YY1: variants seen among roughly 807,000 people sequenced by gnomAD.
The protein encoded by YY1 is transcriptional repressor protein YY1.
In YY1, 2 loss-of-function variants were observed where a neutral mutation model predicts 35.6. The observed-to-expected ratio is 0.06, with a 90% CI of 0.02 to 0.18. The LOEUF (loss-of-function observed/expected upper bound fraction) is 0.18, where lower values mean the gene tolerates loss of function less well. Among genes scored for constraint, YY1 ranks in the 10% least tolerant of loss-of-function variants. The pLI, the probability that YY1 is intolerant of heterozygous loss-of-function variation, is 1.00. For missense variants in YY1, 322 were observed against 573.4 expected (o/e 0.56, Z 4.48); for synonymous variants, 268 against 238.9 (o/e 1.12, Z -1.12).
At chr14:100,240,410 C>G (rs1040891606) in intron 1 of YY1, among the ~76,000 whole-genome samples, 1 of 151,462 alleles carries the variant, frequency 6.6e-6, no homozygotes, top group African/African-American at 2.4e-5. Context: ...CCGGCGCTGC[C>G]GTTACCCCAT....
At position 100,239,805 on chromosome 14, in the gene YY1, C is replaced by T. The variant is rs1294296744; in HGVS notation, c.561C>T (p.Ser187=). 6 of 1,500,760 alleles carry T rather than the reference C, an allele frequency of 4.0e-6. No individual in the cohort carries two copies. Among genetic ancestry groups the T allele is most frequent in the African/African-American group, 2.9e-5 (2 of 68,482 alleles). 93.0% of individuals were successfully genotyped at this position (1,500,760 alleles called of 1,614,324 possible). The change falls in exon 1 of 5, where the codon AGC becomes AGT. Residue 187 remains serine, a synonymous_variant. Coordinates refer to ENST00000262238, the MANE Select transcript of YY1 (RefSeq NM_003403.5). ...GKKSGKKSYL[S]GGAGAAGGGG... ...AGAGCGGCAAGAAGAGTTACCTCAG[C>T]GGCGGGGCCGGCGCGGCGGGCGGCG...
chr14:100,240,066 G>GGGCGCGGCGGCGGCGGC (rs1890705195), intron 1 of YY1, 143 bp downstream of exon 1: 1 of 772,714 alleles, frequency 1.3e-6, no homozygotes. Flanking sequence ...GCGGCGGCGG[G>GGGCGCGGCGGCGGCGGC]GGCGCGGCGG....
At chr14:100,253,623 C>T (rs1009073506) in intron 1 of YY1, among the ~76,000 whole-genome samples, 1 of 151,992 alleles carries the variant, frequency 6.6e-6, no homozygotes, top group Non-Finnish European at 1.5e-5. Context: ...TCACCTTAAC[C>T]TCAGGTGACC....
chr14:100,273,983 TC>T (rs535270647), intron 2 of YY1, among the ~76,000 whole-genome samples: 1 of 152,088 alleles, frequency 6.6e-6, no homozygotes, highest in Non-Finnish European at 1.5e-5. Flanking sequence ...AATGAGAACT[TC>T]CAAGCCCCCA....
chr14:100,246,356 T>A (rs1890833841), intron 1 of YY1, among the ~76,000 whole-genome samples: 1 of 152,200 alleles, frequency 6.6e-6, no homozygotes, highest in Non-Finnish European at 1.5e-5. Flanking sequence ...CTTCTCAAAG[T>A]GCTGGCAGCT....
chr14:100,278,666 TGAAA>T lies in YY1; in HGVS notation c.*1069_*1072del, dbSNP rs1296051275. 6.6e-6 allele frequency: 1 copy of T among 152,262 alleles called. No homozygotes were observed. Among genetic ancestry groups the T allele is most frequent in the Non-Finnish European group, 1.5e-5 (1 of 68,052 alleles). The allele number at this position is 152,262 out of a possible 1,614,324, so 9.4% of individuals were successfully genotyped here. ...AATACTTCCTACATGTCCTGACTTC[TGAAA>T]GAGAGTAGGTAACAGGCATCCCGAG... On this transcript the variant is annotated 3_prime_UTR_variant, in exon 5 of 5. Coordinates refer to ENST00000262238, the MANE Select transcript of YY1 (RefSeq NM_003403.5).
At chr14:100,255,905 T>C (rs1890998635) in intron 1 of YY1, among the ~76,000 whole-genome samples, 1 of 152,194 alleles carries the variant, frequency 6.6e-6, no homozygotes, top group South Asian at 2.1e-4. Flanking sequence ...GTTCAGGTTT[T>C]GATTATAATC....
intron 1 of YY1, among the ~76,000 whole-genome samples, chr14:100,257,792 A>G (rs1183826231): frequency 1.3e-5 from 2 of 152,134 alleles, no homozygotes; most frequent in African/African-American, 4.8e-5. Flanking sequence ...ATGGATTAAG[A>G]CACTTTCATC....
intron 1 of YY1, among the ~76,000 whole-genome samples, chr14:100,249,812 C>T (rs745490511): frequency 2.1e-5 from 3 of 145,598 alleles, no homozygotes; most frequent in Admixed American, 7.0e-5. Flanking sequence ...CTTGCTCTGT[C>T]GCCCAGACTG....
At chr14:100,254,420 C>T (rs1890970129) in intron 1 of YY1, among the ~76,000 whole-genome samples, 1 of 152,132 alleles carries the variant, frequency 6.6e-6, no homozygotes, top group South Asian at 2.1e-4. Context: ...TGTCATTTCT[C>T]TAGAAGTCTT....
chr14:100,254,559 G>A (rs924178812), intron 1 of YY1, among the ~76,000 whole-genome samples: 1 of 152,094 alleles, frequency 6.6e-6, no homozygotes, highest in Non-Finnish European at 1.5e-5. Flanking sequence ...CCAGGTTCAA[G>A]CGGTTCTTTT....
Position 100,276,041 on chromosome 14 carries a change from C to A in YY1, c.904-449C>A. ...CAGTAGGCGATGGAGAATGACAGTC[C>A]ATTGTTGCAGCACAGAATATGGGGC... On this transcript the variant is annotated intron_variant, in intron 3 of 4. Transcript: ENST00000262238. The surrounding 1 kb of genome is among the most constrained non-coding windows in gnomAD (Gnocchi z 4.1). 1 of 206,670 alleles carries A rather than the reference C, an allele frequency of 4.8e-6. No homozygotes were observed. The highest frequency in any genetic ancestry group is 9.9e-6 in the Non-Finnish European group (1 of 100,794). The allele number at this position is 206,670 out of a possible 1,614,324, so 12.8% of individuals were successfully genotyped here. A position where few individuals can be genotyped will look rare whatever the true frequency, so the allele number is the denominator to read the frequency against.
At chr14:100,250,752 A>C (rs1890912471) in intron 1 of YY1, among the ~76,000 whole-genome samples, 1 of 151,732 alleles carries the variant, frequency 6.6e-6, no homozygotes, top group Non-Finnish European at 1.5e-5. Flanking sequence ...GGTATGGTGC[A>C]CTTTTGGAGA....
At position 100,271,467 on chromosome 14, in the gene YY1, A is replaced by G. The variant is rs555574357; in HGVS notation, c.843-3231A>G. ...AGGCTAGTTCAGAGTCCTGTTTACA[A>G]CAGGCACTTAAAAAAACTTGCTAAC... is the stretch of plus-strand genomic sequence containing the variant. On this transcript the variant is annotated intron_variant, in intron 2 of 4. Coordinates refer to ENST00000262238, the MANE Select transcript of YY1 (RefSeq NM_003403.5). 5.3e-5 allele frequency among the ~76,000 whole-genome samples: 8 copies of G among 152,294 alleles called. No individual in the cohort carries two copies. The South Asian group carries it at 1.4e-3, about 28-fold the overall frequency.
Position 100,277,218 on chromosome 14 carries a change from C to G in YY1, c.1063-200C>G, listed in dbSNP as rs35788933. The G allele has an allele frequency of 4.5e-6, 3 of 663,588 alleles. No individual in the cohort carries two copies. Among genetic ancestry groups the G allele is most frequent in the Non-Finnish European group, 8.0e-6 (3 of 376,214 alleles). The allele number at this position is 663,588 out of a possible 1,614,324, so 41.1% of individuals were successfully genotyped here. Reference sequence around the variant, plus strand: ...ATTTTGCCAAGTGTTTTAAACAGTTCGTGAGGGCTCTCCTTGGGTTTTCGG... The same window carrying G: ...ATTTTGCCAAGTGTTTTAAACAGTTGGTGAGGGCTCTCCTTGGGTTTTCGG... On this transcript the variant is annotated intron_variant, in intron 4 of 4. Coordinates refer to ENST00000262238, the MANE Select transcript of YY1 (RefSeq NM_003403.5). The surrounding 1 kb of genome is among the most constrained non-coding windows in gnomAD (Gnocchi z 5.6).
chr14:100,239,708 C>G lies in YY1; in HGVS notation c.464C>G (p.Ala155Gly). Residue 155 changes from alanine to glycine, a missense_variant, in exon 1 of 5, where the codon GCG becomes GGG. By Grantham distance (60) the Ala-to-Gly change is moderately conservative (BLOSUM62 0). Coordinates refer to ENST00000262238, the MANE Select transcript of YY1 (RefSeq NM_003403.5). ...GAACAAACGCTGGTCACCGTGGCGG[C>G]GGCCGGCAAGAGCGGCGGCGGCGGC... ...YIEQTLVTVA[A>G]AGKSGGGGSS... The G allele has an allele frequency of 6.3e-7, 1 of 1,598,838 alleles. No individual in the cohort carries two copies. The highest frequency in any genetic ancestry group is 8.5e-7 in the Non-Finnish European group (1 of 1,176,514).
intron 1 of YY1, among the ~76,000 whole-genome samples, chr14:100,259,917 G>C (rs1210057983): frequency 6.6e-6 from 1 of 152,190 alleles, no homozygotes; most frequent in Non-Finnish European, 1.5e-5. Context: ...TATACCATGG[G>C]TGAGAATATA....
chr14:100,274,063 C>G (rs1340594272), intron 2 of YY1, among the ~76,000 whole-genome samples: 1 of 152,186 alleles, frequency 6.6e-6, no homozygotes, highest in Non-Finnish European at 1.5e-5. Flanking sequence ...TAGGAGCTCT[C>G]TCCCCAAAGT....
At chr14:100,248,559 CAG>C (rs1890871363) in intron 1 of YY1, among the ~76,000 whole-genome samples, 1 of 151,854 alleles carries the variant, frequency 6.6e-6, no homozygotes, top group Non-Finnish European at 1.5e-5. Context: ...TGGCTATTCA[CAG>C]GTGTGATCAT....
Sources: gnomAD v4.1 joint callset for allele counts (sites outside exome capture counted in the v4.1 genomes callset) on GRCh38, gnomAD v4.1.1 for gene constraint, Gnocchi (gnomAD v3.1) non-coding constraint, MANE v1.5 for transcripts, NCBI Gene and HGNC (gene_info 2026-07-23, HGNC 2026-07-21) for gene names.